The following NFIB variants were observed in gnomAD, a reference collection of about 807,000 sequenced individuals.
NFIB encodes nuclear factor 1 B-type.
A neutral mutation model predicts 61.5 loss-of-function variants in NFIB; 11 were observed. The observed-to-expected ratio is 0.18, with a 90% CI of 0.11 to 0.30. NFIB has a LOEUF of 0.30. Ranked by LOEUF, NFIB falls within the 10% of genes least tolerant of loss-of-function variation. NFIB has a pLI of 1.00. For missense variants in NFIB, 471 were observed against 608.9 expected, an observed-to-expected ratio of 0.77 and a Z score of 2.38; for synonymous variants, 260 against 216.5, an observed-to-expected ratio of 1.20 and a Z score of -1.76.
rs1324468161 is a variant in NFIB at position 14,110,685 on chromosome 9, TTC to T, written c.1467+2312_1467+2313del. On this transcript the variant is annotated intron_variant, in intron 10 of 10. Coordinates refer to ENST00000380953, the MANE Select transcript of NFIB (RefSeq NM_001190737.2). ...TCTTTACTGAAGTCATTTAAACTATTTCTGTTTCTTTATTCCTGGATAGTAAA... is the reference window on the plus strand; with the variant it reads ...TCTTTACTGAAGTCATTTAAACTATTTGTTTCTTTATTCCTGGATAGTAAA... 2.6e-5 allele frequency among the ~76,000 whole-genome samples: 4 copies of T among 152,112 alleles called. No homozygotes were observed. The East Asian group carries it at 5.8e-4, about 22-fold the overall frequency.
At position 14,091,630 on chromosome 9, in the gene NFIB, T is replaced by C. The variant is rs1462314846; in HGVS notation, c.1468-3304A>G. Among the ~76,000 whole-genome samples the C allele has an allele frequency of 2.6e-5, 4 of 152,094 alleles. No individual in the cohort carries two copies. The South Asian group carries it at 6.2e-4, about 24-fold the overall frequency. On this transcript the variant is annotated intron_variant, in intron 10 of 10. Coordinates refer to ENST00000380953, the MANE Select transcript of NFIB (RefSeq NM_001190737.2). ...AGCTCAAATTCAGCTACTTCAGCAATATATCTTTATAAGTGTGCATTTCCT... is the reference window on the plus strand; with the variant it reads ...AGCTCAAATTCAGCTACTTCAGCAACATATCTTTATAAGTGTGCATTTCCT...
At chr9:14,160,581 T>C (rs1377108672) in intron 3 of NFIB, among the ~76,000 whole-genome samples, 6 of 152,106 alleles carry the variant, frequency 3.9e-5, no homozygotes, top group African/African-American at 1.4e-4. Flanking sequence ...AGATTTGTCA[T>C]CCAATGGGAA....
rs148912107 is a variant in NFIB, at chr9:14,342,170, C to T, written c.109-34650G>A. On this transcript the variant is annotated intron_variant, in intron 1 of 8. Coordinates refer to the NFIB transcript ENST00000380934. ...GGCTGGATTATGGGTAAGGGTCTCT[C>T]TCATTAACCATTTGAAAATAAAGAA... 1.1e-4 allele frequency among the ~76,000 whole-genome samples: 16 copies of T among 152,296 alleles called. No individual in the cohort carries two copies. The South Asian group carries it at 3.3e-3, about 32-fold the overall frequency.
the NFIB span, among the ~76,000 whole-genome samples, chr9:14,495,240 CAG>C: frequency 6.6e-6 from 1 of 152,218 alleles, no homozygotes; most frequent in South Asian, 2.1e-4. Flanking sequence ...TGAAGCTTCT[CAG>C]AAATAAATCC....
intron 7 of NFIB, among the ~76,000 whole-genome samples, chr9:14,123,796 T>C (rs2039265448): frequency 6.6e-6 from 1 of 152,004 alleles, no homozygotes; most frequent in African/African-American, 2.4e-5. Context: ...TTTGCCCCTC[T>C]GCCTTCCATG....
chr9:14,089,739 A>G lies in NFIB; in HGVS notation c.1468-1413T>C, dbSNP rs957418919. Among the ~76,000 whole-genome samples, 6 of 152,130 alleles carry G rather than the reference A, an allele frequency of 3.9e-5. No individual in the cohort carries two copies. The South Asian group carries it at 1.0e-3, about 26-fold the overall frequency. ...ACTATTGTTGTAGCTATCAATCTAGATATGCTCATTTGTTCATATTTGAAT... is the reference window on the plus strand; with the variant it reads ...ACTATTGTTGTAGCTATCAATCTAGGTATGCTCATTTGTTCATATTTGAAT... On this transcript the variant is annotated intron_variant, in intron 10 of 10. Coordinates refer to ENST00000380953, the MANE Select transcript of NFIB (RefSeq NM_001190737.2).
intron 6 of NFIB, 114 bp downstream of exon 6, chr9:14,146,575 T>A (rs2042297473): frequency 7.0e-7 from 1 of 1,437,706 alleles, no homozygotes; most frequent in Non-Finnish European, 9.5e-7. Flanking sequence ...AATCATTTTA[T>A]GAAAAAAATA....
intron 2 of NFIB, among the ~76,000 whole-genome samples, chr9:14,292,105 T>C (rs10810125): frequency 0.32 from 48,835 of 152,110 alleles, 8,308 homozygotes; most frequent in East Asian, 0.51. Context: ...ATTTTTCTTC[T>C]ATTTTCCTTT....
At chr9:14,494,095 T>G in the NFIB span, among the ~76,000 whole-genome samples, 2 of 152,232 alleles carry the variant, frequency 1.3e-5, no homozygotes, top group African/African-American at 4.8e-5. Flanking sequence ...TCTTTTATTT[T>G]AAGAGTTCCT....
intron 2 of NFIB, among the ~76,000 whole-genome samples, chr9:14,203,815 G>C (rs10961420): frequency 6.6e-6 from 1 of 152,062 alleles, no homozygotes; most frequent in African/African-American, 2.4e-5. Context: ...AATACTACCA[G>C]ATAGAAAATG....
chr9:14,520,497 G>C, the NFIB span, among the ~76,000 whole-genome samples: 2 of 152,216 alleles, frequency 1.3e-5, no homozygotes, highest in Admixed American at 6.5e-5. Flanking sequence ...TCAGTGGAAT[G>C]TTCTGCAGCG....
At chr9:14,465,910 G>C in the NFIB span, among the ~76,000 whole-genome samples, 1 of 152,136 alleles carries the variant, frequency 6.6e-6, no homozygotes, top group Non-Finnish European at 1.5e-5. Flanking sequence ...AATGTGTCCA[G>C]ACAGTGCCAA....
At chr9:14,110,264 T>C (rs2037160965) in intron 10 of NFIB, among the ~76,000 whole-genome samples, 1 of 152,096 alleles carries the variant, frequency 6.6e-6, no homozygotes, top group East Asian at 1.9e-4. Flanking sequence ...TTAAAGTTCT[T>C]TTCTAAGAAA....
At chr9:14,505,370 A>T in the NFIB span, among the ~76,000 whole-genome samples, 2 of 152,136 alleles carry the variant, frequency 1.3e-5, no homozygotes, top group Admixed American at 1.3e-4. Flanking sequence ...CTAGCTTCAT[A>T]GAATAACTTA....
At chr9:14,272,127 T>C (rs2057668873) in intron 2 of NFIB, among the ~76,000 whole-genome samples, 1 of 152,150 alleles carries the variant, frequency 6.6e-6, no homozygotes, top group Admixed American at 6.6e-5. Flanking sequence ...TAATATTTCA[T>C]ACTATTAAAA....
chr9:14,277,526 A>C (rs1336891056), intron 2 of NFIB, among the ~76,000 whole-genome samples: 1 of 152,268 alleles, frequency 6.6e-6, no homozygotes, highest in African/African-American at 2.4e-5. Context: ...ACAATGGTCT[A>C]GTCTGAATTT....
chr9:14,184,985 G>A (rs1419175706), intron 2 of NFIB, among the ~76,000 whole-genome samples: 1 of 152,086 alleles, frequency 6.6e-6, no homozygotes, highest in Non-Finnish European at 1.5e-5. Flanking sequence ...ATCGGCTCAT[G>A]TATTCCAAAC....
intron 1 of NFIB, among the ~76,000 whole-genome samples, chr9:14,337,867 A>G (rs1181546604): frequency 6.6e-6 from 1 of 152,230 alleles, no homozygotes; most frequent in Non-Finnish European, 1.5e-5. Context: ...CCATATTATT[A>G]TGGGTTCCAT....
chr9:14,426,781 C>G, the NFIB span, among the ~76,000 whole-genome samples: 2 of 152,144 alleles, frequency 1.3e-5, no homozygotes, highest in South Asian at 4.1e-4. Context: ...CCTCCCATAT[C>G]ACATCGCTCA....
Sources: allele counts gnomAD v4.1 joint callset (sites outside exome capture counted in the v4.1 genomes callset), GRCh38; gene constraint gnomAD v4.1.1; transcripts MANE v1.5; gene names NCBI Gene and HGNC (gene_info 2026-07-23, HGNC 2026-07-21).